Variants in DACT2 observed in about 807,000 individuals in gnomAD.
The protein encoded by DACT2 is dapper homolog 2.
A neutral mutation model predicts 22.2 loss-of-function variants in DACT2; 20 were observed. That is an observed-to-expected ratio of 0.90 (90% CI 0.63 to 1.31). The LOEUF is 1.31. DACT2 is among the 50% of genes most tolerant of loss of function. DACT2 has a pLI of 0.00. For missense variants in DACT2, 1,048 were observed against 1,061.4 expected (o/e 0.99, Z 0.18); for synonymous variants, 463 against 479.8 (o/e 0.96, Z 0.46).
At position 168,308,706 on chromosome 6, in the gene DACT2, C is replaced by T. The variant is rs774006853; in HGVS notation, c.1051G>A (p.Glu351Lys). The T allele has an allele frequency of 1.9e-4, 300 of 1,548,568 alleles. No individual in the cohort carries two copies. The highest frequency in any genetic ancestry group is 3.4e-4 in the East Asian group (14 of 40,912). The change falls in exon 4 of 4, where the codon GAG (glutamate) becomes AAG (lysine). Residue 351 changes from glutamate to lysine, a missense_variant. Transcript: ENST00000366795. ...WGRETPAKGS[E>K]GEQGPLRHAA... The stretch of plus-strand genomic sequence containing the variant: ...TGCCTTAGAGGTCCCTGTTCTCCCT[C>T]GCTACCCTTTGCTGGGGTCTCCCGG...
At position 168,308,609 on chromosome 6, in the gene DACT2, G is replaced by A. The variant is rs1165137504; in HGVS notation, c.1148C>T (p.Ala383Val). The change falls in exon 4 of 4, where the codon GCC becomes GTC. Residue 383 changes from alanine (A) to valine (V), a missense_variant. Transcript: ENST00000366795. ...TDGGGRLLVF[A>V]PGREDEGGPA... ...CCCTCCCTCGTCCTCCCTCCCTGGG[G>A]CGAAGACCAGCAGTCGCCCTCCACC... 1.3e-6 allele frequency: 2 copies of A among 1,545,426 alleles called. No homozygotes were observed. Among genetic ancestry groups the A allele is most frequent in the East Asian group, 2.4e-5 (1 of 40,904 alleles).
At chr6:168,318,290 T>C (rs1441433542) in intron 1 of DACT2, among the ~76,000 whole-genome samples, 2 of 152,226 alleles carry the variant, frequency 1.3e-5, no homozygotes, top group Non-Finnish European at 2.9e-5. Flanking sequence ...CCCAGGTTAA[T>C]CCCACACAGT....
intron 1 of DACT2, among the ~76,000 whole-genome samples, chr6:168,315,431 C>T (rs1454861569): frequency 1.3e-5 from 2 of 152,118 alleles, no homozygotes; most frequent in Non-Finnish European, 2.9e-5. Context: ...CACAGTCAAC[C>T]CTCTCTGGAC....
At chr6:168,314,211 A>AAGCG (rs1279457477) in intron 1 of DACT2, among the ~76,000 whole-genome samples, 1 of 152,238 alleles carries the variant, frequency 6.6e-6, no homozygotes, top group East Asian at 1.9e-4. Flanking sequence ...CCACAGCAGC[A>AAGCG]AGCGAGCCCT....
At chr6:168,293,449 A>G (rs1778946711) in exon 6 of DACT2, 1 of 156,876 alleles carries the variant, frequency 6.4e-6, no homozygotes, top group South Asian at 2.0e-4. Context: ...ACCCAAAATC[A>G]CAAAAATTAT....
chr6:168,302,883 G>C (rs1254685404), downstream of DACT2, among the ~76,000 whole-genome samples: 1 of 152,186 alleles, frequency 6.6e-6, no homozygotes, highest in Non-Finnish European at 1.5e-5. Context: ...GGGCCGCGGT[G>C]TGTGAACATG....
intron 2 of DACT2, 123 bp from the exon 3 acceptor site, chr6:168,310,569 G>T: frequency 7.6e-7 from 1 of 1,315,382 alleles, no homozygotes; most frequent in Non-Finnish European, 1.0e-6. Context: ...GGCTACCGGA[G>T]GCTGTGTGCC....
At chr6:168,314,992 C>T (rs1171127896) in intron 1 of DACT2, among the ~76,000 whole-genome samples, 1 of 152,186 alleles carries the variant, frequency 6.6e-6, no homozygotes, top group Non-Finnish European at 1.5e-5. Flanking sequence ...CACCCTGCCT[C>T]CCTTGGTTCC....
chr6:168,318,714 G>A (rs1479430326), intron 1 of DACT2, among the ~76,000 whole-genome samples: 3 of 152,262 alleles, frequency 2.0e-5, no homozygotes, highest in Non-Finnish European at 4.4e-5. Flanking sequence ...GGGGTTCAGA[G>A]CGCCCAGGGA....
chr6:168,311,559 C>CACACACCCA (rs61336797), intron 1 of DACT2, among the ~76,000 whole-genome samples: 1 of 82,976 alleles, frequency 1.2e-5, no homozygotes, highest in East Asian at 3.3e-4. Context: ...CATACACACA[C>CACACACCCA]TCACACACAA....
At chr6:168,311,597 T>TC (rs1554271725) in intron 1 of DACT2, among the ~76,000 whole-genome samples, 3 of 100,464 alleles carry the variant, frequency 3.0e-5, no homozygotes, top group Admixed American at 8.9e-5. Context: ...CACACACACA[T>TC]ACACACACAC....
At position 168,308,674 on chromosome 6, in the gene DACT2, C is replaced by T. The variant is rs757463036; in HGVS notation, c.1083G>A (p.Ala361=). ...EGEQGPLRHA[A]SPSPQRQGGW... ...CACCCTGCCTCTGTGGAGATGGGGA[C>T]GCTGCATGCCTTAGAGGTCCCTGTT... is the stretch of plus-strand genomic sequence containing the variant. Residue 361 remains alanine, a synonymous_variant, in exon 4 of 4, where the codon GCG becomes GCA. Coordinates refer to ENST00000366795, the MANE Select transcript of DACT2 (RefSeq NM_214462.5). The T allele has an allele frequency of 3.4e-5, 52 of 1,545,110 alleles. No individual in the cohort carries two copies. The highest frequency in any genetic ancestry group is 1.7e-4 in the Middle Eastern group (1 of 6,014).
At chr6:168,294,573 GTGTGTATA>G (rs762386524) in intron 4 of DACT2, 2,767 of 452,228 alleles carry the variant, frequency 6.1e-3, no homozygotes, top group East Asian at 0.038. Flanking sequence ...GTGTGTGTGT[GTGTGTATA>G]TATATATATA....
intron 1 of DACT2, among the ~76,000 whole-genome samples, chr6:168,312,772 C>T (rs530438644): frequency 6.6e-6 from 1 of 152,180 alleles, no homozygotes; most frequent in South Asian, 2.1e-4. Context: ...TCCCCTGAGC[C>T]CCATAACCTA....
downstream of DACT2, among the ~76,000 whole-genome samples, chr6:168,305,956 T>C (rs1275851459): frequency 1.3e-5 from 2 of 152,184 alleles, no homozygotes; most frequent in Admixed American, 1.3e-4. Context: ...CTCTGACCCC[T>C]GGGAAATGCT....
chr6:168,315,253 C>T (rs527604268), intron 1 of DACT2, among the ~76,000 whole-genome samples: 2 of 152,282 alleles, frequency 1.3e-5, no homozygotes, highest in East Asian at 1.9e-4. Context: ...GTGGAGACAG[C>T]GCCCACTGGT....
At position 168,307,894 on chromosome 6, in the gene DACT2, C is replaced by T. The variant is rs1213990546; in HGVS notation, c.1863G>A (p.Leu621=). 71 of 1,464,572 alleles carry T rather than the reference C, an allele frequency of 4.8e-5. No homozygotes were observed. The highest frequency in any genetic ancestry group is 5.8e-5 in the Non-Finnish European group (64 of 1,111,662). 90.7% of individuals were successfully genotyped at this position (1,464,572 alleles called of 1,614,324 possible). ...CCAGGTTAGACTCAGGACAGCTGGC[C>T]AGGCGGGCCCGGGCCGAGATCTCCA... ...STVEISARAR[L]ASCPESNLGP... is the part of the protein sequence containing the mutation. Residue 621 remains leucine, a synonymous_variant, in exon 4 of 4, where the codon CTG becomes CTA. Coordinates refer to ENST00000366795, the MANE Select transcript of DACT2 (RefSeq NM_214462.5). The surrounding 1 kb of genome is among the most constrained non-coding windows in gnomAD (Gnocchi z 5.3).
chr6:168,304,823 G>A (rs1359685957), downstream of DACT2, among the ~76,000 whole-genome samples: 1 of 152,248 alleles, frequency 6.6e-6, no homozygotes, highest in Non-Finnish European at 1.5e-5. Context: ...TCCTGTCCTG[G>A]GCTGCCTGGT....
rs1779284422 is a variant in DACT2 at position 168,308,304 on chromosome 6, C to A, written c.1453G>T (p.Ala485Ser). ...TTGGGGGGACCCATTTTCAGGCTGG[C>A]AGCAAAGGATGGGTGGGCAAAGTGC... Reference protein sequence around the residue: ...SGHFAHPSFAASLKMGPPKSK... With the variant: ...SGHFAHPSFASSLKMGPPKSK... Residue 485 changes from alanine to serine, a missense_variant, in exon 4 of 4, where the codon GCC becomes TCC. Transcript: ENST00000366795. 6.4e-7 allele frequency: 1 copy of A among 1,552,246 alleles called. No homozygotes were observed. The highest frequency in any genetic ancestry group is 8.7e-7 in the Non-Finnish European group (1 of 1,147,112).
Sources: gnomAD v4.1 joint callset for allele counts (sites outside exome capture counted in the v4.1 genomes callset) on GRCh38, gnomAD v4.1.1 for gene constraint, Gnocchi (gnomAD v3.1) non-coding constraint, MANE v1.5 for transcripts, NCBI Gene and HGNC (gene_info 2026-07-23, HGNC 2026-07-21) for gene names.